RAB38: variants seen among roughly 807,000 people sequenced by gnomAD.
RAB38 encodes ras-related protein Rab-38.
In RAB38, 15 loss-of-function variants were observed where a neutral mutation model predicts 18.4. The observed-to-expected ratio is 0.82, with a 90% confidence interval of 0.55 to 1.26. The LOEUF (loss-of-function observed/expected upper bound fraction) is 1.26. RAB38 is among the 50% of genes most tolerant of loss of function. The pLI is 0.00. For missense variants in RAB38, 294 were observed against 267.4 expected (o/e 1.10, Z -0.69); for synonymous variants, 101 against 104.4 (o/e 0.97, Z 0.20).
intron 2 of RAB38, among the ~76,000 whole-genome samples, chr11:88,118,733 G>A (rs1942590452): frequency 6.6e-6 from 1 of 152,120 alleles, no homozygotes; most frequent in Admixed American, 6.6e-5. Flanking sequence ...TTAAGGTAAT[G>A]CGTGTTCTTC....
chr11:88,174,182 G>C, intron 1 of RAB38: 1 of 784,242 alleles, frequency 1.3e-6, no homozygotes, highest in Non-Finnish European at 1.5e-6. Context: ...CTGAGCTGAA[G>C]AGACTTGTCC....
chr11:88,172,347 T>G (rs1943319606), intron 1 of RAB38, among the ~76,000 whole-genome samples: 1 of 152,046 alleles, frequency 6.6e-6, no homozygotes, highest in South Asian at 2.1e-4. Flanking sequence ...CTTTTTGGAG[T>G]CTTTCAAGAT....
At chr11:88,006,608 T>G in the RAB38 span, among the ~76,000 whole-genome samples, 18 of 124,826 alleles carry the variant, frequency 1.4e-4, no homozygotes, top group African/African-American at 5.1e-4. Flanking sequence ...TATATACACA[T>G]TATATATATG....
the RAB38 span, among the ~76,000 whole-genome samples, chr11:87,845,372 G>A: frequency 6.6e-6 from 1 of 151,926 alleles, no homozygotes; most frequent in East Asian, 1.9e-4. Flanking sequence ...TGAATTAGAA[G>A]ATAAGAAAAA....
At chr11:88,132,379 G>T (rs76718030) in intron 2 of RAB38, among the ~76,000 whole-genome samples, 1 of 152,140 alleles carries the variant, frequency 6.6e-6, no homozygotes, top group African/African-American at 2.4e-5. Flanking sequence ...CTATAAATGA[G>T]CTCTTCTTTG....
chr11:87,855,897 C>G, the RAB38 span, among the ~76,000 whole-genome samples: 12 of 152,058 alleles, frequency 7.9e-5, no homozygotes, highest in East Asian at 2.1e-3. Context: ...GTTTGTGTAT[C>G]TTTTTATGCT....
the RAB38 span, among the ~76,000 whole-genome samples, chr11:87,921,637 C>T: frequency 1.3e-5 from 2 of 150,682 alleles, no homozygotes; most frequent in South Asian, 4.2e-4. Context: ...TACCTTTTGA[C>T]TCTTTTCTCT....
the RAB38 span, among the ~76,000 whole-genome samples, chr11:87,858,318 T>C: frequency 2.0e-5 from 3 of 152,082 alleles, no homozygotes; most frequent in Non-Finnish European, 4.4e-5. Flanking sequence ...GGACTCACGT[T>C]GTCATTTCTT....
chr11:88,125,121 A>T (rs1228499258), intron 2 of RAB38, among the ~76,000 whole-genome samples: 18 of 152,128 alleles, frequency 1.2e-4, no homozygotes, highest in Admixed American at 1.2e-3. Flanking sequence ...CATCCTCTAT[A>T]TTCCTTCCAG....
At chr11:88,070,424 G>T in the RAB38 span, among the ~76,000 whole-genome samples, 10 of 152,166 alleles carry the variant, frequency 6.6e-5, no homozygotes, top group Non-Finnish European at 1.5e-4. Flanking sequence ...TCACCGCGAG[G>T]GTCCGCGGCT....
chr11:87,851,546 A>G, the RAB38 span, among the ~76,000 whole-genome samples: 7 of 152,254 alleles, frequency 4.6e-5, no homozygotes, highest in Non-Finnish European at 1.0e-4. Flanking sequence ...TGCTAATTCT[A>G]CTTTTTCCCC....
intron 1 of RAB38, among the ~76,000 whole-genome samples, chr11:88,155,359 T>A (rs1037826334): frequency 3.3e-5 from 5 of 152,094 alleles, no homozygotes; most frequent in Non-Finnish European, 7.3e-5. Flanking sequence ...CTATCATGCA[T>A]AAGCACTATC....
the RAB38 span, among the ~76,000 whole-genome samples, chr11:87,942,445 T>G: frequency 6.6e-6 from 1 of 152,130 alleles, no homozygotes. Flanking sequence ...AATAAAAGGC[T>G]TTAAGAATTA....
chr11:87,871,079 T>C, the RAB38 span, among the ~76,000 whole-genome samples: 1 of 151,696 alleles, frequency 6.6e-6, no homozygotes, highest in East Asian at 1.9e-4. Flanking sequence ...ATATGTAATA[T>C]GTAAAAATTA....
chr11:87,842,820 A>ACACACACACACACGCGCGCG, the RAB38 span, among the ~76,000 whole-genome samples: 1 of 74,994 alleles, frequency 1.3e-5, no homozygotes. Context: ...GCGCGCGCAC[A>ACACACACACACACGCGCGCG]CACACACACA....
the RAB38 span, among the ~76,000 whole-genome samples, chr11:88,086,057 G>A: frequency 2.0e-5 from 3 of 151,812 alleles, no homozygotes; most frequent in East Asian, 5.8e-4. Context: ...ATCTCTCTAA[G>A]CTTCAATTTC....
intron 2 of RAB38, among the ~76,000 whole-genome samples, chr11:88,123,866 A>T (rs2087116): frequency 0.9 from 136,558 of 152,226 alleles, 61,679 homozygotes; most frequent in Non-Finnish European, 0.94. Flanking sequence ...GATTTTAACA[A>T]CATCTTCCTC....
the RAB38 span, among the ~76,000 whole-genome samples, chr11:87,873,882 A>AGG: frequency 3.6e-4 from 38 of 104,678 alleles, no homozygotes; most frequent in African/African-American, 1.4e-3. Flanking sequence ...GTGTGTATAT[A>AGG]TATGTGTGTG....
chr11:88,027,881 T>C, the RAB38 span, among the ~76,000 whole-genome samples: 1 of 152,150 alleles, frequency 6.6e-6, no homozygotes, highest in Non-Finnish European at 1.5e-5. Flanking sequence ...GCAGTGGTTC[T>C]CCCAGCATGC....
Sources: gnomAD v4.1 joint callset for allele counts (sites outside exome capture counted in the v4.1 genomes callset) on GRCh38, gnomAD v4.1.1 for gene constraint, MANE v1.5 for transcripts, NCBI Gene and HGNC (gene_info 2026-07-23, HGNC 2026-07-21) for gene names.